The following ITPR2 variants were observed in gnomAD, a reference collection of about 807,000 sequenced individuals.
ITPR2 encodes inositol 1,4,5-trisphosphate-gated calcium channel ITPR2.
In ITPR2, 207 loss-of-function variants were observed where a neutral mutation model predicts 317.1. The observed-to-expected ratio is 0.65, with a 90% confidence interval of 0.58 to 0.73. ITPR2 has a LOEUF of 0.73. Among genes scored for constraint, ITPR2 ranks in the 30% least tolerant of loss-of-function variants. The pLI, the probability that ITPR2 is intolerant of heterozygous loss-of-function variation, is 0.00. For synonymous variants in ITPR2, 1,156 were observed against 1,149.1 expected, an observed-to-expected ratio of 1.01 and a Z score of -0.12; for missense variants, 2,613 against 3,284.0, an observed-to-expected ratio of 0.80 and a Z score of 4.99.
chr12:26,463,195 G>A (rs1406066177), intron 45 of ITPR2, among the ~76,000 whole-genome samples: 1 of 152,028 alleles, frequency 6.6e-6, no homozygotes, highest in Non-Finnish European at 1.5e-5. Flanking sequence ...AATAATGTCA[G>A]GTTATAAATG....
At chr12:26,429,306 A>G (rs1304630959) in intron 48 of ITPR2, among the ~76,000 whole-genome samples, 1 of 152,210 alleles carries the variant, frequency 6.6e-6, no homozygotes, top group African/African-American at 2.4e-5. Context: ...ACAATGATGA[A>G]AGGAGCTTGG....
chr12:26,832,819 C>T lies in ITPR2; in HGVS notation c.-38G>A, dbSNP rs772310932. Reference sequence around the variant, plus strand: ...TCCACAGTGGACGTCCCTCTTCTTCCCTGCGCCCTCGCCGCCCTCTCTCCA... The same window carrying T: ...TCCACAGTGGACGTCCCTCTTCTTCTCTGCGCCCTCGCCGCCCTCTCTCCA... On this transcript the variant is annotated 5_prime_UTR_variant, in exon 1 of 57. Coordinates refer to ENST00000381340, the MANE Select transcript of ITPR2 (RefSeq NM_002223.4). 3 of 1,496,156 alleles carry T rather than the reference C, an allele frequency of 2.0e-6. No individual in the cohort carries two copies. The East Asian group carries it at 7.2e-5, about 36-fold the overall frequency. The allele number at this position is 1,496,156 out of a possible 1,614,324, so 92.7% of individuals were successfully genotyped here.
At chr12:26,341,330 G>A (rs998284906) in intron 55 of ITPR2, among the ~76,000 whole-genome samples, 1 of 152,176 alleles carries the variant, frequency 6.6e-6, no homozygotes, top group African/African-American at 2.4e-5. Context: ...TGAGCATCAT[G>A]CTTGAAACTC....
intron 2 of ITPR2, among the ~76,000 whole-genome samples, chr12:26,763,888 A>T (rs1949677368): frequency 6.6e-6 from 1 of 152,016 alleles, no homozygotes; most frequent in Non-Finnish European, 1.5e-5. Context: ...TTTGGTATCC[A>T]TCTTCCCTAC....
At chr12:26,591,748 G>C (rs1463556922) in intron 32 of ITPR2, among the ~76,000 whole-genome samples, 1 of 151,486 alleles carries the variant, frequency 6.6e-6, no homozygotes, top group Non-Finnish European at 1.5e-5. Context: ...TGAGGCAGGA[G>C]ATGGTTGAAC....
In ITPR2 at chr12:26,340,260, C is replaced by T; in HGVS notation, c.7926G>A (p.Glu2642=). 3 of 1,612,166 alleles carry T rather than the reference C, an allele frequency of 1.9e-6. No homozygotes were observed. The highest frequency in any genetic ancestry group is 1.7e-6 in the Non-Finnish European group (2 of 1,179,176). Residue 2642 remains glutamate (E), a synonymous_variant, in exon 56 of 57, where the codon GAG becomes GAA. Transcript: ENST00000381340. The part of the protein sequence containing the change: ...MSLVSNEGDS[E]QNEIRSLQEK... ...CCTGAAGGCTCCGAATTTCATTTTG[C>T]TCACTGTCGCCTTCATTGCTAACGA...
At chr12:26,420,612 T>C (rs1940860048) in intron 49 of ITPR2, among the ~76,000 whole-genome samples, 1 of 152,138 alleles carries the variant, frequency 6.6e-6, no homozygotes, top group African/African-American at 2.4e-5. Flanking sequence ...TGATTAAGTA[T>C]CCTCTCAATA....
At chr12:26,653,869 C>T in intron 21 of ITPR2, 107 bp downstream of exon 21, 2 of 828,834 alleles carry the variant, frequency 2.4e-6, no homozygotes, top group South Asian at 1.6e-5. Context: ...TTCATATGCA[C>T]ACATATATTA....
intron 26 of ITPR2, among the ~76,000 whole-genome samples, chr12:26,608,821 T>C (rs1946198984): frequency 6.6e-6 from 1 of 151,618 alleles, no homozygotes; most frequent in African/African-American, 2.4e-5. Context: ...AGGAACCTAT[T>C]ATCATACAGC....
chr12:26,605,861 C>A (rs902957123), intron 26 of ITPR2, among the ~76,000 whole-genome samples: 4 of 152,060 alleles, frequency 2.6e-5, no homozygotes, highest in Non-Finnish European at 5.9e-5. Flanking sequence ...TTAAATTGAA[C>A]AAAAACCCAT....
intron 1 of ITPR2, among the ~76,000 whole-genome samples, chr12:26,814,224 G>A (rs551166263): frequency 1.3e-5 from 2 of 152,216 alleles, no homozygotes; most frequent in East Asian, 1.9e-4. Context: ...TGCTGATGAC[G>A]CCGCAGAATG....
chr12:26,519,432 G>A (rs1424646053), intron 37 of ITPR2, among the ~76,000 whole-genome samples: 1 of 152,120 alleles, frequency 6.6e-6, no homozygotes, highest in East Asian at 1.9e-4. Flanking sequence ...CTATGATTAT[G>A]CTTTACAGAT....
At chr12:26,441,187 G>A (rs372524198) in intron 46 of ITPR2, among the ~76,000 whole-genome samples, 9 of 152,086 alleles carry the variant, frequency 5.9e-5, no homozygotes, top group Admixed American at 6.5e-5. Flanking sequence ...ATTCAAAATC[G>A]GATCAGTTTC....
intron 13 of ITPR2, among the ~76,000 whole-genome samples, chr12:26,675,148 A>G (rs935522468): frequency 3.3e-4 from 50 of 152,288 alleles, no homozygotes; most frequent in African/African-American, 1.2e-3. Flanking sequence ...GCAATTCCTC[A>G]GGGATCTAGA....
At chr12:26,599,876 AG>A (rs1426389399) in intron 29 of ITPR2, 110 bp downstream of exon 29, 1 of 793,356 alleles carries the variant, frequency 1.3e-6, no homozygotes, top group Non-Finnish European at 2.0e-6. Flanking sequence ...AATTTCCACA[AG>A]GAAAAAAAAA....
At chr12:26,494,117 T>A in intron 39 of ITPR2, 36 bp downstream of exon 39, 1 of 1,484,752 alleles carries the variant, frequency 6.7e-7, no homozygotes, top group Non-Finnish European at 9.2e-7. Context: ...GAAATACCAA[T>A]AATAAATGTA....
chr12:26,558,786 T>C (rs988805483), intron 35 of ITPR2, among the ~76,000 whole-genome samples: 9 of 152,206 alleles, frequency 5.9e-5, no homozygotes, highest in Non-Finnish European at 1.3e-4. Flanking sequence ...TGGACATCTT[T>C]CTAAACCACT....
chr12:26,421,712 TG>T (rs1167999636), intron 49 of ITPR2, among the ~76,000 whole-genome samples: 2 of 122,770 alleles, frequency 1.6e-5, no homozygotes, highest in Non-Finnish European at 3.2e-5. Context: ...CCCAGGAAAC[TG>T]GGCAAGATGG....
At chr12:26,621,006 T>G in intron 26 of ITPR2, 117 bp downstream of exon 26, 2 of 896,166 alleles carry the variant, frequency 2.2e-6, no homozygotes, top group Admixed American at 5.0e-5. Flanking sequence ...AATTTTGTGC[T>G]CTGTTGCTCA....
Sources: allele counts gnomAD v4.1 joint callset (sites outside exome capture counted in the v4.1 genomes callset), GRCh38; gene constraint gnomAD v4.1.1; transcripts MANE v1.5; gene names NCBI Gene and HGNC (gene_info 2026-07-23, HGNC 2026-07-21).